The following MAOB variants were observed in gnomAD, a reference collection of about 807,000 sequenced individuals.
MAOB encodes the protein amine oxidase [flavin-containing] B.
MAOB carries 15 observed loss-of-function variants against 41.9 expected under a neutral mutation model. The ratio of observed to expected loss-of-function variants is 0.36; its 90% CI spans 0.24 to 0.55. The LOEUF (loss-of-function observed/expected upper bound fraction) is 0.55, where lower values mean the gene tolerates loss of function less well. Ranked by LOEUF, MAOB falls within the 20% of genes least tolerant of loss-of-function variation. The pLI, the probability that MAOB is intolerant of heterozygous loss-of-function variation, is 0.86. For synonymous variants in MAOB, 167 were observed against 144.2 expected, an observed-to-expected ratio of 1.16 and a Z score of -1.13; for missense variants, 345 against 398.7, an observed-to-expected ratio of 0.87 and a Z score of 1.15.
chrX:43,810,785 A>G (rs1379208355), intron 3 of MAOB, among the ~76,000 whole-genome samples: 1 of 111,527 alleles, frequency 9.0e-6, no homozygotes, highest in Non-Finnish European at 1.9e-5. Flanking sequence ...TAAAATTGGA[A>G]TCATGATACC....
chrX:43,827,110 G>A (rs1602008708), intron 3 of MAOB, among the ~76,000 whole-genome samples: 1 of 112,180 alleles, frequency 8.9e-6, no homozygotes, highest in African/African-American at 3.2e-5. Context: ...CTGAGGAGGT[G>A]ATATTTGAGT....
At chrX:43,799,146 C>T (rs1413655230) in intron 5 of MAOB, among the ~76,000 whole-genome samples, 3 of 111,278 alleles carry the variant, frequency 2.7e-5, no homozygotes, top group South Asian at 3.8e-4. Context: ...CCTGACAGCC[C>T]GTCTATGACA....
chrX:43,813,622 C>T (rs1221801471), intron 3 of MAOB, among the ~76,000 whole-genome samples: 1 of 112,015 alleles, frequency 8.9e-6, no homozygotes, highest in Non-Finnish European at 1.9e-5. Flanking sequence ...ACTCAATGAC[C>T]AGCCAGATCA....
At chrX:43,870,206 A>C (rs765258155) in intron 1 of MAOB, among the ~76,000 whole-genome samples, 1 of 112,471 alleles carries the variant, frequency 8.9e-6, no homozygotes, top group East Asian at 2.8e-4. Context: ...CAGTCTTCAC[A>C]GATTAGGGCT....
rs376242846 is a variant in MAOB at position 43,781,540 on chromosome X, G to A, written c.933C>T (p.Tyr311=). 8.7e-7 allele frequency: 1 copy of A among 1,144,752 alleles called. No individual in the cohort carries two copies. The highest frequency in any genetic ancestry group is 1.2e-6 in the Non-Finnish European group (1 of 839,711). 94.3% of individuals were successfully genotyped at this position (1,144,752 alleles called of 1,213,427 possible). ...YKEPFWRKKD[Y]CGTMIIDGEE... Reference sequence around the variant, plus strand: ...CTCCATCAATAATCATGGTTCCACAGTAATCTTAGAGAACAGCAAAATGGA... The same window carrying A: ...CTCCATCAATAATCATGGTTCCACAATAATCTTAGAGAACAGCAAAATGGA... Residue 311 remains tyrosine (Y), a synonymous_variant, in exon 9 of 15, where the codon TAC becomes TAT. Transcript: ENST00000378069.
chrX:43,840,959 C>A (rs2035129729), intron 2 of MAOB, among the ~76,000 whole-genome samples: 1 of 106,726 alleles, frequency 9.4e-6, no homozygotes, highest in African/African-American at 3.4e-5. Context: ...ACCGTTCACT[C>A]CCCTGGAAAG....
chrX:43,868,606 C>A (rs980820775), intron 1 of MAOB, among the ~76,000 whole-genome samples: 2 of 110,992 alleles, frequency 1.8e-5, no homozygotes, highest in African/African-American at 6.6e-5. Context: ...ACATAAAAGG[C>A]AAGTATGATA....
chrX:43,794,027 C>G (rs2034496655), intron 7 of MAOB, among the ~76,000 whole-genome samples: 1 of 111,860 alleles, frequency 8.9e-6, no homozygotes, highest in South Asian at 3.8e-4. Flanking sequence ...CAGGTGTGCA[C>G]CACCACACCC....
chrX:43,835,439 T>C (rs2035061205), intron 3 of MAOB, among the ~76,000 whole-genome samples: 1 of 112,090 alleles, frequency 8.9e-6, no homozygotes, highest in Admixed American at 9.5e-5. Flanking sequence ...CTAAATTATA[T>C]AGATTTGAGC....
intron 1 of MAOB, among the ~76,000 whole-genome samples, chrX:43,861,856 C>CGT (rs112289658): frequency 0.018 from 1,884 of 103,098 alleles, 14 homozygotes; most frequent in African/African-American, 0.033. Context: ...CCAGCTGAAA[C>CGT]GTGTGTGTGT....
At chrX:43,824,195 T>C (rs1231897603) in intron 3 of MAOB, among the ~76,000 whole-genome samples, 1 of 112,561 alleles carries the variant, frequency 8.9e-6, no homozygotes, top group Non-Finnish European at 1.9e-5. Flanking sequence ...CAATTACCAA[T>C]TGATGAGATG....
chrX:43,787,224 C>T (rs182868929), intron 8 of MAOB, among the ~76,000 whole-genome samples: 168 of 110,977 alleles, frequency 1.5e-3, no homozygotes, highest in African/African-American at 4.8e-3. Context: ...AACAAAGAGG[C>T]ATGTTCAGAA....
At chrX:43,778,801 G>A in intron 10 of MAOB, 62 bp from the exon 11 acceptor site, 1 of 893,483 alleles carries the variant, frequency 1.1e-6, no homozygotes, top group South Asian at 2.2e-5. Context: ...AAAAAAGTGG[G>A]AAAGAGGCAT....
In MAOB at chrX:43,830,302, AG is replaced by A. The variant is rs899812582; in HGVS notation, c.279+8565del. Among the ~76,000 whole-genome samples, 410 of 111,355 alleles carry A rather than the reference AG, an allele frequency of 3.7e-3. 3 individuals carry two copies. The highest frequency in any genetic ancestry group is 0.013 in the African/African-American group (393 of 30,655). ...CCTGAGATGCCTCCTGTCTCCTGAC[AG>A]GAGGAGACATTCCTGACTCTACAAG... On this transcript the variant is annotated intron_variant, in intron 3 of 14. Coordinates refer to ENST00000378069, the MANE Select transcript of MAOB (RefSeq NM_000898.5).
intron 3 of MAOB, among the ~76,000 whole-genome samples, chrX:43,809,667 C>T (rs754660945): frequency 1.8e-5 from 2 of 111,868 alleles, no homozygotes; most frequent in South Asian, 3.8e-4. Flanking sequence ...TTGTGCCTCA[C>T]ATTTGGCCAT....
intron 1 of MAOB, 110 bp from the exon 2 acceptor site, chrX:43,843,874 T>C (rs2035170385): frequency 9.4e-7 from 1 of 1,066,111 alleles, no homozygotes; most frequent in Non-Finnish European, 1.2e-6. Context: ...GCACCGCCTA[T>C]TGTTACATTC....
At chrX:43,774,235 T>G (rs1279847954) in intron 12 of MAOB, among the ~76,000 whole-genome samples, 1 of 111,808 alleles carries the variant, frequency 8.9e-6, no homozygotes, top group East Asian at 2.8e-4. Context: ...TTGCTTGGTT[T>G]AGTAATAGTA....
Position 43,850,066 on chromosome X carries a change from G to T in MAOB, c.47-6302C>A, listed in dbSNP as rs191040797. On this transcript the variant is annotated intron_variant, in intron 1 of 14. Coordinates refer to ENST00000378069, the MANE Select transcript of MAOB (RefSeq NM_000898.5). ...CCTTAACAATAATGCCATGAATCTG[G>T]CACCGTTACTCCTATTTTTCGGATT... 4.7e-4 allele frequency among the ~76,000 whole-genome samples: 53 copies of T among 111,667 alleles called. No homozygotes were observed. The East Asian group carries it at 6.8e-3, about 14-fold the overall frequency.
At chrX:43,816,702 A>T (rs778883238) in intron 3 of MAOB, among the ~76,000 whole-genome samples, 2 of 112,112 alleles carry the variant, frequency 1.8e-5, no homozygotes, top group Non-Finnish European at 3.8e-5. Flanking sequence ...CTGGAAAGGG[A>T]TGTTCAATGT....
Sources: gnomAD v4.1 joint callset for allele counts (sites outside exome capture counted in the v4.1 genomes callset) on GRCh38, gnomAD v4.1.1 for gene constraint, MANE v1.5 for transcripts, NCBI Gene and HGNC (gene_info 2026-07-23, HGNC 2026-07-21) for gene names.